Variants in GLT1D1 observed in about 807,000 individuals in gnomAD.
GLT1D1 encodes the protein glycosyltransferase 1 domain-containing protein 1.
In GLT1D1, 21 loss-of-function variants were observed where a neutral mutation model predicts 28.7. The observed-to-expected ratio is 0.73, with a 90% confidence interval of 0.52 to 1.05. The LOEUF is 1.05. Among genes scored for constraint, GLT1D1 ranks in the 50% least tolerant of loss-of-function variants. The pLI is 0.00. For synonymous variants in GLT1D1, 147 were observed against 124.8 expected (o/e 1.18, Z -1.19); for missense variants, 343 against 330.6 (o/e 1.04, Z -0.29).
intron 4 of GLT1D1, 164 bp from the exon 9 acceptor site, chr12:128,945,162 G>A (rs772192446): frequency 5.2e-6 from 4 of 769,342 alleles, no homozygotes; most frequent in South Asian, 2.9e-5. Context: ...CCGAGCCGGG[G>A]GCCCCCATGA....
chr12:128,960,079 A>C, intron 7 of GLT1D1, among the ~76,000 whole-genome samples: 1 of 152,072 alleles, frequency 6.6e-6, no homozygotes, highest in East Asian at 1.9e-4. Context: ...CATTTCTGCG[A>C]GTTACCGGCT....
chr12:128,947,585 C>T, intron 6 of GLT1D1, 127 bp downstream of exon 10: 1 of 1,030,478 alleles, frequency 9.7e-7, no homozygotes, highest in South Asian at 1.4e-5. Context: ...GGCCAAGCAG[C>T]ATACCTGTTG....
chr12:128,944,904 C>A, intron 4 of GLT1D1: 1 of 450,950 alleles, frequency 2.2e-6, no homozygotes, highest in South Asian at 2.8e-5. Flanking sequence ...CCCATCAACT[C>A]GTCATTTACA....
At chr12:128,962,670 A>G (rs1444194171) in intron 7 of GLT1D1, among the ~76,000 whole-genome samples, 2 of 152,200 alleles carry the variant, frequency 1.3e-5, no homozygotes, top group Non-Finnish European at 2.9e-5. Flanking sequence ...TTACCGATTT[A>G]TAAATGCAGA....
At chr12:128,925,238 G>T (rs964049068) in intron 4 of GLT1D1, among the ~76,000 whole-genome samples, 3 of 152,034 alleles carry the variant, frequency 2.0e-5, no homozygotes, top group Admixed American at 1.3e-4. Context: ...TATTATGTAG[G>T]TTAACAATGT....
At chr12:128,956,158 C>CA (rs1555219265) in intron 6 of GLT1D1, among the ~76,000 whole-genome samples, 3 of 7,466 alleles carry the variant, frequency 4.0e-4, no homozygotes, top group Non-Finnish European at 6.0e-4. Context: ...GACTCCATCT[C>CA]AAAAAAAAAA....
rs1370902734 is a variant in GLT1D1 at position 128,942,782 on chromosome 12, G to A, written c.376-2544G>A. 3.7e-5 allele frequency among the ~76,000 whole-genome samples: 5 copies of A among 135,774 alleles called. No individual in the cohort carries two copies. The South Asian group carries it at 6.6e-4, about 18-fold the overall frequency. The allele number at this position is 135,774 out of a possible 152,430, so 89.1% of individuals were successfully genotyped here. On this transcript the variant is annotated intron_variant, in intron 4 of 7. Coordinates refer to ENST00000281703, the MANE Select transcript of GLT1D1 (RefSeq NM_144669.3). ...TTTTTTTTTTTTGAGACAGAGTCTC[G>A]CTCTGCCCCCCAGGCTGGAGTGCGG...
In GLT1D1 at chr12:128,912,408, C is replaced by T. The variant is rs1033866028; in HGVS notation, c.375+13121C>T. ...TCCAATGTACTTTTCTTTTCTCTCT[C>T]CCCTCCTTTCAAAAGCCGCATGCTA... On this transcript the variant is annotated intron_variant, in intron 4 of 7. Coordinates refer to ENST00000281703, the MANE Select transcript of GLT1D1 (RefSeq NM_144669.3). 1.3e-6 allele frequency: 2 copies of T among 1,514,548 alleles called. No individual in the cohort carries two copies. Among genetic ancestry groups the T allele is most frequent in the Non-Finnish European group, 8.9e-7 (1 of 1,129,014 alleles). The allele number at this position is 1,514,548 out of a possible 1,614,324, so 93.8% of individuals were successfully genotyped here.
rs183968606 is a variant in GLT1D1, at chr12:128,902,281, C to T, written c.375+2994C>T. ...GGCGGATCACCTGAGGTCAGGAGTT[C>T]GAGACCAGCCTGACCAACATGGAGA... On this transcript the variant is annotated intron_variant, in intron 4 of 7. Transcript: ENST00000281703. Among the ~76,000 whole-genome samples, 196 of 150,896 alleles carry T rather than the reference C, an allele frequency of 1.3e-3. 4 individuals are homozygous for T. The East Asian group carries it at 0.034, about 26-fold the overall frequency.
chr12:128,873,253 A>T (rs985096630), intron 1 of GLT1D1, among the ~76,000 whole-genome samples: 2 of 152,098 alleles, frequency 1.3e-5, no homozygotes, highest in Non-Finnish European at 2.9e-5. Context: ...CCTTCTAGAG[A>T]TATTCTATGC....
intron 1 of GLT1D1, among the ~76,000 whole-genome samples, chr12:128,863,945 C>CAAAAAA (rs35052910): frequency 5.3e-5 from 3 of 56,156 alleles, no homozygotes; most frequent in Non-Finnish European, 7.1e-5. Context: ...GACTCCATCT[C>CAAAAAA]AAAAAAAAAA....
chr12:128,868,331 T>C (rs182528523), intron 1 of GLT1D1, among the ~76,000 whole-genome samples: 64 of 152,260 alleles, frequency 4.2e-4, no homozygotes, highest in Admixed American at 4.1e-3. Flanking sequence ...GATGTTTTGA[T>C]TGGCATGAGC....
chr12:128,859,291 A>G (rs1368020386), intron 1 of GLT1D1, among the ~76,000 whole-genome samples: 4 of 152,232 alleles, frequency 2.6e-5, no homozygotes, highest in African/African-American at 9.6e-5. Context: ...GCAGAGCGTC[A>G]ACCAATGGGA....
intron 4 of GLT1D1, among the ~76,000 whole-genome samples, chr12:128,917,957 G>C (rs1002414568): frequency 1.8e-4 from 28 of 152,036 alleles, no homozygotes; most frequent in African/African-American, 6.5e-4. Flanking sequence ...CCCATTACTG[G>C]GTATATACCC....
chr12:128,933,355 C>G (rs1460267828), intron 4 of GLT1D1, among the ~76,000 whole-genome samples: 1 of 152,256 alleles, frequency 6.6e-6, no homozygotes, highest in African/African-American at 2.4e-5. Flanking sequence ...CGCATGCGCA[C>G]GTCAGAAACA....
intron 1 of GLT1D1, among the ~76,000 whole-genome samples, chr12:128,855,972 G>A (rs559432057): frequency 6.6e-6 from 1 of 151,970 alleles, no homozygotes; most frequent in Admixed American, 6.6e-5. Context: ...GGCTGGTCTC[G>A]AACTCCTGAC....
intron 3 of GLT1D1, among the ~76,000 whole-genome samples, chr12:128,893,864 T>A (rs1869339255): frequency 6.6e-6 from 1 of 152,130 alleles, no homozygotes; most frequent in African/African-American, 2.4e-5. Flanking sequence ...GGATTACAGG[T>A]GTGAGCCATC....
chr12:128,948,170 C>G (rs6486738), intron 6 of GLT1D1, among the ~76,000 whole-genome samples: 67,009 of 152,034 alleles, frequency 0.44, 16,157 homozygotes, highest in Non-Finnish European at 0.54. Context: ...CTCGCATTCC[C>G]TTTGCAATGG....
intron 4 of GLT1D1, among the ~76,000 whole-genome samples, chr12:128,924,162 C>T (rs1238097920): frequency 6.6e-6 from 1 of 152,048 alleles, no homozygotes; most frequent in Non-Finnish European, 1.5e-5. Context: ...AGCACTGGCT[C>T]ATGCCTGTAA....
Sources: gnomAD v4.1 joint callset for allele counts (sites outside exome capture counted in the v4.1 genomes callset) on GRCh38, gnomAD v4.1.1 for gene constraint, MANE v1.5 for transcripts, NCBI Gene and HGNC (gene_info 2026-07-23, HGNC 2026-07-21) for gene names.